Variants in PDZD9 observed in about 807,000 individuals in gnomAD.
PDZD9 encodes the protein PDZ domain containing 9.
PDZD9 carries 13 observed loss-of-function variants against 16.3 expected under a neutral mutation model. The ratio of observed to expected loss-of-function variants is 0.80; its 90% confidence interval spans 0.52 to 1.27. The LOEUF (loss-of-function observed/expected upper bound fraction) is 1.27. Ranked by LOEUF, PDZD9 falls within the 50% of genes most tolerant of loss-of-function variation. The pLI, the probability that PDZD9 is intolerant of heterozygous loss-of-function variation, is 0.00. For synonymous variants in PDZD9, 120 were observed against 111.0 expected (o/e 1.08, Z -0.51); for missense variants, 288 against 310.9 (o/e 0.93, Z 0.55).
At chr16:21,965,408 A>G in the PDZD9 span, 1 of 1,613,766 alleles carries the variant, frequency 6.2e-7, no homozygotes. Flanking sequence ...TATCTCACAG[A>G]TGTCATTGAA....
In PDZD9 at chr16:21,985,790, T is replaced by C. The variant is rs138008089; in HGVS notation, c.402-1130A>G. On this transcript the variant is annotated intron_variant, in intron 3 of 3. Transcript: ENST00000424898. Reference sequence around the variant, plus strand: ...TGCCTGTTGTATTTGCTTCCAATAATTTGAATGGCTTTTCCAAAAGTTTAT... The same window carrying C: ...TGCCTGTTGTATTTGCTTCCAATAACTTGAATGGCTTTTCCAAAAGTTTAT... 9.8e-5 allele frequency among the ~76,000 whole-genome samples: 15 copies of C among 152,336 alleles called. No individual in the cohort carries two copies. In the East Asian group the frequency reaches 2.9e-3, roughly 29 times the overall value.
In PDZD9 at chr16:21,984,031, T is replaced by C. The variant is rs1477845843; in HGVS notation, c.*236A>G. 1 of 373,486 alleles carries C rather than the reference T, an allele frequency of 2.7e-6. No individual in the cohort carries two copies. Among genetic ancestry groups the C allele is most frequent in the Admixed American group, 4.1e-5 (1 of 24,430 alleles). 23.1% of individuals were successfully genotyped at this position (373,486 alleles called of 1,614,324 possible). A position where few individuals can be genotyped will look rare whatever the true frequency, so the allele number is the denominator to read the frequency against. ...ACGGCATTTTCTAAAAGAAAGAAAT[T>C]CTTCTCAAAAAGGAGGGTCTTATTC... On this transcript the variant is annotated 3_prime_UTR_variant, in exon 4 of 4. Coordinates refer to ENST00000424898, the MANE Select transcript of PDZD9 (RefSeq NM_001363519.1).
At chr16:21,996,148 C>T (rs1221861633) in intron 2 of PDZD9, among the ~76,000 whole-genome samples, 174 bp downstream of exon 2, 2 of 152,106 alleles carry the variant, frequency 1.3e-5, no homozygotes, top group African/African-American at 4.8e-5. Context: ...TGGTCTCAAA[C>T]TCCTGACCTT....
the PDZD9 span, chr16:21,962,349 C>T: frequency 2.3e-6 from 3 of 1,329,546 alleles, no homozygotes; most frequent in Admixed American, 2.1e-5. Context: ...TTGTTCGCAC[C>T]TTTTATACTT....
chr16:21,999,952 G>A (rs746512648), intron 1 of PDZD9, among the ~76,000 whole-genome samples: 48 of 152,248 alleles, frequency 3.2e-4, no homozygotes, highest in Non-Finnish European at 5.6e-4. Context: ...GGCAAGAATC[G>A]CTTGAACCCG....
At position 21,988,756 on chromosome 16, in the gene PDZD9, A is replaced by G. The variant is rs1898948108; in HGVS notation, c.247T>C (p.Leu83=). ...VLISVGHANV[L]GYTLREFLQL... is the part of the protein sequence containing the mutation. Reference sequence around the variant, plus strand: ...AAAAATTCTCGAAGAGTATATCCTAACACATTGGCATGGCCAACACTAATC... The same window carrying G: ...AAAAATTCTCGAAGAGTATATCCTAGCACATTGGCATGGCCAACACTAATC... The change falls in exon 3 of 4, where the codon TTA becomes CTA. Residue 83 remains leucine, a synonymous_variant. Coordinates refer to ENST00000424898, the MANE Select transcript of PDZD9 (RefSeq NM_001363519.1). 1.2e-6 allele frequency: 2 copies of G among 1,612,652 alleles called. No homozygotes were observed. Among genetic ancestry groups the G allele is most frequent in the Non-Finnish European group, 1.7e-6 (2 of 1,179,764 alleles).
the PDZD9 span, among the ~76,000 whole-genome samples, chr16:21,964,058 A>T: frequency 2.6e-5 from 4 of 152,164 alleles, no homozygotes; most frequent in Admixed American, 1.3e-4. Flanking sequence ...GGGAGCAGAA[A>T]TGTGCAGGAA....
chr16:21,997,174 TATCA>T (rs1397892439), intron 1 of PDZD9, among the ~76,000 whole-genome samples: 1 of 152,132 alleles, frequency 6.6e-6, no homozygotes, highest in African/African-American at 2.4e-5. Flanking sequence ...AGGGGACAGA[TATCA>T]ATCAGTCATG....
the PDZD9 span, chr16:21,959,779 TC>T: frequency 1.3e-5 from 2 of 152,228 alleles, no homozygotes; most frequent in Non-Finnish European, 2.9e-5. Context: ...TACTCCTTGA[TC>T]CATGGGGTGC....
At chr16:21,962,336 T>C in the PDZD9 span, 1 of 1,144,612 alleles carries the variant, frequency 8.7e-7, no homozygotes, top group Non-Finnish European at 1.2e-6. Flanking sequence ...TTTTGTTATA[T>C]TATTGTTCGC....
At chr16:21,961,647 TATATATA>T in the PDZD9 span, among the ~76,000 whole-genome samples, 1 of 99,906 alleles carries the variant, frequency 1.0e-5, no homozygotes, top group African/African-American at 5.2e-5. Context: ...TATATATATA[TATATATA>T]TATATATATA....
intron 2 of PDZD9, 138 bp from the exon 3 acceptor site, chr16:21,988,929 T>C (rs1407945342): frequency 2.2e-5 from 3 of 133,914 alleles, no homozygotes; most frequent in East Asian, 4.0e-4. Flanking sequence ...GGCTTCAGCC[T>C]TTTTTTTTTT....
At chr16:21,985,967 CT>C (rs979930201) in intron 3 of PDZD9, among the ~76,000 whole-genome samples, 4 of 149,618 alleles carry the variant, frequency 2.7e-5, no homozygotes, top group Admixed American at 1.3e-4. Context: ...GTATTAGTAA[CT>C]TTTTTTTTTC....
chr16:21,999,835 G>A lies in PDZD9; in HGVS notation c.31+1182C>T, dbSNP rs532576911. On this transcript the variant is annotated intron_variant, in intron 1 of 3. Coordinates refer to ENST00000424898, the MANE Select transcript of PDZD9 (RefSeq NM_001363519.1). ...GCGGATCACTTGGGGTCAGGAGTTC[G>A]AGACCAGCCTGGCCAGCATGGTGAA... is the stretch of plus-strand genomic sequence containing the variant. Among the ~76,000 whole-genome samples the A allele has an allele frequency of 2.0e-4, 30 of 152,284 alleles. No individual in the cohort carries two copies. The East Asian group carries it at 4.6e-3, about 24-fold the overall frequency.
chr16:21,984,195 A>G lies in PDZD9; in HGVS notation c.*72T>C. 1.3e-6 allele frequency: 2 copies of G among 1,498,242 alleles called. No individual in the cohort carries two copies. The highest frequency in any genetic ancestry group is 2.6e-5 in the South Asian group (2 of 76,594). 92.8% of individuals were successfully genotyped at this position (1,498,242 alleles called of 1,614,324 possible). ...TCTACAGACAGTCCTTGATAAGTACAGCAAACTTGTGCCTGGTGAGGCACA... is the reference window on the plus strand; with the variant it reads ...TCTACAGACAGTCCTTGATAAGTACGGCAAACTTGTGCCTGGTGAGGCACA... On this transcript the variant is annotated 3_prime_UTR_variant, in exon 4 of 4. Coordinates refer to ENST00000424898, the MANE Select transcript of PDZD9 (RefSeq NM_001363519.1).
the PDZD9 span, among the ~76,000 whole-genome samples, chr16:21,966,454 C>T: frequency 9.2e-5 from 14 of 152,004 alleles, no homozygotes; most frequent in East Asian, 2.5e-3. Context: ...CTATTCCTAC[C>T]ACCCAGACCC....
the PDZD9 span, chr16:21,958,442 T>A: frequency 8.8e-7 from 1 of 1,131,466 alleles, no homozygotes; most frequent in Non-Finnish European, 1.3e-6. Context: ...AAAATTCTTT[T>A]TAAATCTGCT....
chr16:21,958,492 G>A, the PDZD9 span: 1 of 1,573,708 alleles, frequency 6.4e-7, no homozygotes, highest in East Asian at 2.2e-5. Flanking sequence ...TGGCAAACTT[G>A]GCATTGAAAA....
At chr16:21,978,507 T>A in the PDZD9 span, among the ~76,000 whole-genome samples, 1 of 152,218 alleles carries the variant, frequency 6.6e-6, no homozygotes, top group Non-Finnish European at 1.5e-5. Context: ...AGACCTGTAC[T>A]GCCCTTCCCC....
Sources: gnomAD v4.1 joint callset for allele counts (sites outside exome capture counted in the v4.1 genomes callset) on GRCh38, gnomAD v4.1.1 for gene constraint, MANE v1.5 for transcripts, NCBI Gene and HGNC (gene_info 2026-07-23, HGNC 2026-07-21) for gene names.